MSI2: variants seen among roughly 807,000 people sequenced by gnomAD.
MSI2 encodes the protein RNA-binding protein Musashi homolog 2.
In MSI2, 17 loss-of-function variants were observed where a neutral mutation model predicts 45.6. That is an observed-to-expected ratio of 0.37 (90% CI 0.26 to 0.56). MSI2 has a LOEUF of 0.56. Among genes scored for constraint, MSI2 ranks in the 20% least tolerant of loss-of-function variants. The pLI is 0.77. For synonymous variants in MSI2, 156 were observed against 158.2 expected, an observed-to-expected ratio of 0.99 and a Z score of 0.11; for missense variants, 293 against 444.2, an observed-to-expected ratio of 0.66 and a Z score of 3.06.
At chr17:57,320,575 T>C (rs1913251006) in intron 5 of MSI2, among the ~76,000 whole-genome samples, 1 of 152,096 alleles carries the variant, frequency 6.6e-6, no homozygotes, top group South Asian at 2.1e-4. Flanking sequence ...TTTAAGACAG[T>C]TGGGAAGGGT....
At chr17:57,370,157 G>A (rs1409354966) in intron 5 of MSI2, among the ~76,000 whole-genome samples, 7 of 152,184 alleles carry the variant, frequency 4.6e-5, no homozygotes, top group African/African-American at 1.7e-4. Context: ...TTGAGTAGCC[G>A]TGAAAGCTGA....
chr17:57,428,570 G>A (rs1245481431), intron 6 of MSI2, among the ~76,000 whole-genome samples: 1 of 152,088 alleles, frequency 6.6e-6, no homozygotes, highest in Admixed American at 6.5e-5. Context: ...GCTTCTGGCT[G>A]GGCATCTTTT....
chr17:57,526,365 G>GTGTGTA (rs2086698710), intron 6 of MSI2, among the ~76,000 whole-genome samples: 1 of 80,970 alleles, frequency 1.2e-5, no homozygotes, highest in African/African-American at 7.0e-5. Context: ...GGGTGTGTGT[G>GTGTGTA]TGTGTGTGTG....
rs568446311 is a variant in MSI2, at chr17:57,293,463, C to T, written c.312+31271C>T. Among the ~76,000 whole-genome samples the T allele has an allele frequency of 5.7e-4, 86 of 152,150 alleles. 1 individual carries two copies. Among genetic ancestry groups the T allele is most frequent in the Non-Finnish European group, 1.1e-3 (72 of 68,018 alleles). ...CCTCCGCCTCCTCCTCACGCTGCAACAGCGCTTGGCTGTACCTTGCCATTA... is the reference window on the plus strand; with the variant it reads ...CCTCCGCCTCCTCCTCACGCTGCAATAGCGCTTGGCTGTACCTTGCCATTA... On this transcript the variant is annotated intron_variant, in intron 5 of 13. Transcript: ENST00000284073.
chr17:57,300,053 C>T (rs1027976926), intron 5 of MSI2, among the ~76,000 whole-genome samples: 20 of 152,314 alleles, frequency 1.3e-4, no homozygotes, highest in African/African-American at 3.1e-4. Context: ...TACACAGCAC[C>T]GTGGACCCAC....
In MSI2 at chr17:57,439,559, CTTTT is replaced by C. The variant is rs758957801; in HGVS notation, c.405+38102_405+38105del. The stretch of plus-strand genomic sequence containing the variant: ...CAGGCACTGGGGAGATAGGCTTTGT[CTTTT>C]TTTTTTTTTTTTTGGTGGCATCTCT... On this transcript the variant is annotated intron_variant, in intron 6 of 13. Transcript: ENST00000284073. Among the ~76,000 whole-genome samples, 60 of 137,190 alleles carry C rather than the reference CTTTT, an allele frequency of 4.4e-4. No homozygotes were observed. The South Asian group carries it at 0.012, about 27-fold the overall frequency. 90.0% of individuals were successfully genotyped at this position (137,190 alleles called of 152,430 possible). A position where few individuals can be genotyped will look rare whatever the true frequency, so the allele number is the denominator to read the frequency against.
chr17:57,356,652 AT>A (rs1916444895), intron 5 of MSI2, among the ~76,000 whole-genome samples: 1 of 152,052 alleles, frequency 6.6e-6, no homozygotes, highest in African/African-American at 2.4e-5. Context: ...ATGTAAAAAA[AT>A]TTTTTTCAAA....
chr17:57,585,923 C>T (rs1048347701), intron 7 of MSI2, among the ~76,000 whole-genome samples: 2 of 152,256 alleles, frequency 1.3e-5, no homozygotes, highest in Non-Finnish European at 2.9e-5. Context: ...CCCCGCTGGG[C>T]GCGAGCTGCA....
rs192194242 is a variant in MSI2, at chr17:57,652,525, C to T, written c.790+364C>T. Among the ~76,000 whole-genome samples, 161 of 152,334 alleles carry T rather than the reference C, an allele frequency of 1.1e-3. 3 individuals are homozygous for T. The highest frequency in any genetic ancestry group is 1.0e-2 in the Admixed American group (153 of 15,310). ...GGCTTTTGCTAATTCAACAGGCTCC[C>T]TTCCTTGGGTCCCTGAGCCAGCCAG... On this transcript the variant is annotated intron_variant, in intron 11 of 13. Transcript: ENST00000284073. The surrounding 1 kb of genome is among the most constrained non-coding windows in gnomAD (Gnocchi z 4.1).
At chr17:57,651,242 G>A (rs1911122626) in intron 10 of MSI2, among the ~76,000 whole-genome samples, 1 of 152,082 alleles carries the variant, frequency 6.6e-6, no homozygotes, top group Non-Finnish European at 1.5e-5. Flanking sequence ...CATCCTTGCT[G>A]CCCGGTGCAT....
intron 6 of MSI2, among the ~76,000 whole-genome samples, chr17:57,467,745 C>A (rs2085354502): frequency 6.6e-6 from 1 of 152,144 alleles, no homozygotes. Flanking sequence ...TCCCGACAGT[C>A]TTCCGTGAAC....
intron 5 of MSI2, among the ~76,000 whole-genome samples, chr17:57,289,685 C>CCAT (rs1338469648): frequency 6.6e-6 from 1 of 152,156 alleles, no homozygotes; most frequent in Admixed American, 6.5e-5. Context: ...CACTTGTGTG[C>CCAT]CATAAAATCC....
intron 7 of MSI2, among the ~76,000 whole-genome samples, chr17:57,593,314 G>A (rs1185632606): frequency 1.3e-5 from 2 of 152,164 alleles, no homozygotes; most frequent in Non-Finnish European, 2.9e-5. Context: ...AAACTTCGTG[G>A]CTTAAAACAA....
chr17:57,498,319 G>A (rs373722692), intron 6 of MSI2, among the ~76,000 whole-genome samples: 17 of 152,316 alleles, frequency 1.1e-4, no homozygotes, highest in South Asian at 8.3e-4. Flanking sequence ...TACAGCTGAC[G>A]CTTGTTCTCT....
At chr17:57,671,081 T>C (rs1314936594) in intron 11 of MSI2, among the ~76,000 whole-genome samples, 4 of 152,040 alleles carry the variant, frequency 2.6e-5, no homozygotes, top group Admixed American at 2.0e-4. Context: ...GGGTGCCACC[T>C]TGACTGGGAA....
intron 5 of MSI2, among the ~76,000 whole-genome samples, chr17:57,269,997 C>G (rs529700937): frequency 1.3e-5 from 2 of 152,298 alleles, no homozygotes; most frequent in South Asian, 4.1e-4. Flanking sequence ...AGTTGTCCCA[C>G]TGGGTCCAGA....
At chr17:57,351,403 A>G (rs981162059) in intron 5 of MSI2, among the ~76,000 whole-genome samples, 2 of 152,144 alleles carry the variant, frequency 1.3e-5, no homozygotes, top group African/African-American at 2.4e-5. Context: ...TAGCCACCAC[A>G]AATAAATACA....
At chr17:57,587,180 C>T (rs1424887706) in intron 7 of MSI2, among the ~76,000 whole-genome samples, 3 of 152,160 alleles carry the variant, frequency 2.0e-5, no homozygotes, top group Admixed American at 2.0e-4. Flanking sequence ...GGCCCTCAGC[C>T]CCACCTTGAT....
chr17:57,601,676 C>G (rs774012246), intron 8 of MSI2: 8 of 152,264 alleles, frequency 5.3e-5, no homozygotes, highest in Non-Finnish European at 7.3e-5. Context: ...CATCACCACC[C>G]TCATTGGGTG....
Sources: allele counts gnomAD v4.1 joint callset (sites outside exome capture counted in the v4.1 genomes callset), GRCh38; gene constraint gnomAD v4.1.1; non-coding constraint Gnocchi (gnomAD v3.1); transcripts MANE v1.5; gene names NCBI Gene and HGNC (gene_info 2026-07-23, HGNC 2026-07-21).